PDE2A: variants seen among roughly 807,000 people sequenced by gnomAD.
PDE2A encodes cGMP-dependent 3',5'-cyclic phosphodiesterase.
A neutral mutation model predicts 133.6 loss-of-function variants in PDE2A; 53 were observed. The observed-to-expected ratio is 0.40, with a 90% CI of 0.32 to 0.50. PDE2A has a LOEUF of 0.50. Among genes scored for constraint, PDE2A ranks in the 20% least tolerant of loss-of-function variants. PDE2A has a pLI of 0.73. For missense variants in PDE2A, 796 were observed against 1,232.4 expected, an observed-to-expected ratio of 0.65 and a Z score of 5.30; for synonymous variants, 491 against 490.2, an observed-to-expected ratio of 1.00 and a Z score of -0.02.
intron 2 of PDE2A, among the ~76,000 whole-genome samples, chr11:72,619,604 A>T (rs1314173135): frequency 6.6e-6 from 1 of 152,136 alleles, no homozygotes; most frequent in African/African-American, 2.4e-5. Flanking sequence ...TGCATATGTG[A>T]TTCAGGTCAT....
At chr11:72,633,248 G>C (rs1367667317) in intron 2 of PDE2A, among the ~76,000 whole-genome samples, 2 of 152,166 alleles carry the variant, frequency 1.3e-5, no homozygotes, top group African/African-American at 4.8e-5. Flanking sequence ...GGTGGAGTCT[G>C]CTTTAGGGAA....
At chr11:72,669,969 C>T (rs1215707834) in intron 1 of PDE2A, among the ~76,000 whole-genome samples, 2 of 152,192 alleles carry the variant, frequency 1.3e-5, no homozygotes, top group Non-Finnish European at 2.9e-5. Context: ...GAGACACCTT[C>T]ACGGAAGAAA....
intron 1 of PDE2A, among the ~76,000 whole-genome samples, chr11:72,663,117 AC>A (rs1207432484): frequency 6.6e-6 from 1 of 152,104 alleles, no homozygotes; most frequent in East Asian, 1.9e-4. Flanking sequence ...CCCAGCACTC[AC>A]CCGACAAAAT....
chr11:72,611,571 G>A (rs780645729), intron 2 of PDE2A, among the ~76,000 whole-genome samples: 7 of 152,202 alleles, frequency 4.6e-5, no homozygotes, highest in Non-Finnish European at 8.8e-5. Flanking sequence ...CAGGATAGTA[G>A]CAATAAGGAG....
At chr11:72,616,671 T>C (rs1183905006) in intron 2 of PDE2A, among the ~76,000 whole-genome samples, 1 of 152,144 alleles carries the variant, frequency 6.6e-6, no homozygotes, top group Non-Finnish European at 1.5e-5. Flanking sequence ...AGGAATGGGG[T>C]GTCTCCTACT....
intron 2 of PDE2A, among the ~76,000 whole-genome samples, chr11:72,620,450 A>C (rs1243180068): frequency 1.1e-4 from 16 of 152,150 alleles, no homozygotes; most frequent in Non-Finnish European, 2.2e-4. Context: ...TGAGGCCCAG[A>C]GAGTAGCAGG....
At chr11:72,603,919 G>A (rs1803572319) in intron 4 of PDE2A, among the ~76,000 whole-genome samples, 1 of 152,180 alleles carries the variant, frequency 6.6e-6, no homozygotes, top group Non-Finnish European at 1.5e-5. Flanking sequence ...AGCACAAGGA[G>A]GGGCCTCAGG....
At chr11:72,596,998 G>C (rs1856519970) in intron 5 of PDE2A, among the ~76,000 whole-genome samples, 1 of 152,160 alleles carries the variant, frequency 6.6e-6, no homozygotes, top group African/African-American at 2.4e-5. Context: ...CAGCAAGTCA[G>C]GTCTCCTGAC....
intron 1 of PDE2A, among the ~76,000 whole-genome samples, chr11:72,654,447 C>T (rs1415608887): frequency 6.6e-6 from 1 of 152,194 alleles, no homozygotes; most frequent in Non-Finnish European, 1.5e-5. Flanking sequence ...CTGGGGGAGG[C>T]TCCTCCGCCG....
chr11:72,656,579 C>T (rs1220884001), intron 1 of PDE2A, among the ~76,000 whole-genome samples: 1 of 152,156 alleles, frequency 6.6e-6, no homozygotes, highest in African/African-American at 2.4e-5. Flanking sequence ...CCCACTCCCA[C>T]CCCCAAACAG....
At chr11:72,636,119 AC>A in intron 2 of PDE2A, 1 of 1,222,920 alleles carries the variant, frequency 8.2e-7, no homozygotes, top group Non-Finnish European at 1.1e-6. Context: ...CCCTGAAGCC[AC>A]CAGCCAGAGT....
intron 6 of PDE2A, among the ~76,000 whole-genome samples, chr11:72,593,179 G>GCACACA (rs1856327082): frequency 1.3e-5 from 1 of 75,634 alleles, no homozygotes; most frequent in Non-Finnish European, 2.3e-5. Context: ...CATGGAGGTG[G>GCACACA]TACACACACA....
At chr11:72,603,308 T>C (rs1856837422) in intron 4 of PDE2A, among the ~76,000 whole-genome samples, 1 of 152,088 alleles carries the variant, frequency 6.6e-6, no homozygotes, top group Non-Finnish European at 1.5e-5. Context: ...TGGTATTTTT[T>C]CCAAAGGCCT....
intron 1 of PDE2A, among the ~76,000 whole-genome samples, chr11:72,656,916 C>T (rs772913715): frequency 2.4e-4 from 36 of 152,114 alleles, no homozygotes; most frequent in Non-Finnish European, 4.6e-4. Flanking sequence ...GCTCCTCTTC[C>T]CCCAGGGACA....
chr11:72,597,610 G>A lies in PDE2A; in HGVS notation c.333C>T (p.Ile111=). ...TGCAGCCCAGCCGCTTCTGGGAGAT[G>A]ATAGCCTCCCTGAAAAGAGGACATG... The part of the protein sequence containing the change: ...LPQEGKVREA[I]ISQKRLGCNG... The change falls in exon 5 of 31, where the codon ATC becomes ATT. Residue 111 remains isoleucine, a synonymous_variant. Coordinates refer to ENST00000334456, the MANE Select transcript of PDE2A (RefSeq NM_002599.5). This position sits in a 1 kb window ranked among gnomAD's most constrained non-coding sequence, Gnocchi z 4.6. The A allele has an allele frequency of 6.2e-7, 1 of 1,609,724 alleles. No homozygotes were observed. Among genetic ancestry groups the A allele is most frequent in the Non-Finnish European group, 8.5e-7 (1 of 1,176,798 alleles).
chr11:72,615,529 AG>A (rs1441054092), intron 2 of PDE2A, among the ~76,000 whole-genome samples: 5 of 152,076 alleles, frequency 3.3e-5, no homozygotes, highest in Non-Finnish European at 1.5e-5. Flanking sequence ...GAGTGTGGGG[AG>A]GGGGAGGATG....
rs547778997 is a variant in PDE2A, at chr11:72,655,694, A to G, written c.72-13368T>C. Among the ~76,000 whole-genome samples, 4 of 152,258 alleles carry G rather than the reference A, an allele frequency of 2.6e-5. No individual in the cohort carries two copies. In the East Asian group the frequency reaches 7.7e-4, roughly 29 times the overall value. On this transcript the variant is annotated intron_variant, in intron 1 of 30. Transcript: ENST00000334456. ...GTTTCTGTATCTCTACAGTGGAGTGATGAATGAGATGATACATATGGCTCT... is the reference window on the plus strand; with the variant it reads ...GTTTCTGTATCTCTACAGTGGAGTGGTGAATGAGATGATACATATGGCTCT...
intron 5 of PDE2A, among the ~76,000 whole-genome samples, chr11:72,596,981 G>A (rs533825053): frequency 6.6e-6 from 1 of 152,250 alleles, no homozygotes; most frequent in Admixed American, 6.5e-5. Flanking sequence ...ACTTGCCCAA[G>A]ATCACACAGC....
chr11:72,585,421 G>T lies in PDE2A; in HGVS notation c.1236C>A (p.Val412=), dbSNP rs1464583700. The change falls in exon 16 of 31, where the codon GTC becomes GTA. Residue 412 remains valine, a synonymous_variant. Coordinates refer to ENST00000334456, the MANE Select transcript of PDE2A (RefSeq NM_002599.5). ...CCTCCGTGATGATCTCCTGGAGCAGGACAGAGACGTCATCTGGGGAAGGGA... is the reference window on the plus strand; with the variant it reads ...CCTCCGTGATGATCTCCTGGAGCAGTACAGAGACGTCATCTGGGGAAGGGA... ...NLFTHLDDVS[V]LLQEIITEAR... is the part of the protein sequence containing the mutation. 7 of 1,614,008 alleles carry T rather than the reference G, an allele frequency of 4.3e-6. No homozygotes were observed. The highest frequency in any genetic ancestry group is 1.6e-4 in the Middle Eastern group (1 of 6,084).
Sources: gnomAD v4.1 joint callset for allele counts (sites outside exome capture counted in the v4.1 genomes callset) on GRCh38, gnomAD v4.1.1 for gene constraint, Gnocchi (gnomAD v3.1) non-coding constraint, MANE v1.5 for transcripts, NCBI Gene and HGNC (gene_info 2026-07-23, HGNC 2026-07-21) for gene names.